The following EBF1 variants were observed in gnomAD, a reference collection of about 807,000 sequenced individuals.
EBF1 encodes EBF transcription factor 1.
A neutral mutation model predicts 68.4 loss-of-function variants in EBF1; 10 were observed. The ratio of observed to expected loss-of-function variants is 0.15; its 90% CI spans 0.09 to 0.25. The LOEUF (loss-of-function observed/expected upper bound fraction) is 0.25, where lower values mean the gene tolerates loss of function less well. Among genes scored for constraint, EBF1 ranks in the 10% least tolerant of loss-of-function variants. The pLI is 1.00. For synonymous variants in EBF1, 298 were observed against 299.8 expected (o/e 0.99, Z 0.06); for missense variants, 509 against 794.4 (o/e 0.64, Z 4.32).
intron 12 of EBF1, 121 bp from the exon 13 acceptor site, chr5:158,713,268 A>C: frequency 1.2e-6 from 1 of 840,462 alleles, no homozygotes; most frequent in Non-Finnish European, 1.6e-6. Flanking sequence ...AACTTCTGTG[A>C]CCCTCATGAC....
Position 158,881,799 on chromosome 5 carries a change from G to T in EBF1, c.555-41689C>A, listed in dbSNP as rs928272536. Among the ~76,000 whole-genome samples, 8 of 152,292 alleles carry T rather than the reference G, an allele frequency of 5.3e-5. No individual in the cohort carries two copies. The East Asian group carries it at 1.5e-3, about 29-fold the overall frequency. ...TTCCAGCAGCAAATCAGTGATTTGGGCTCAGGGAGGACTGGAAGGTTACAC... is the reference window on the plus strand; with the variant it reads ...TTCCAGCAGCAAATCAGTGATTTGGTCTCAGGGAGGACTGGAAGGTTACAC... On this transcript the variant is annotated intron_variant, in intron 6 of 15. Coordinates refer to ENST00000313708, the MANE Select transcript of EBF1 (RefSeq NM_024007.5).
At chr5:158,845,448 A>C (rs1246759827) in intron 6 of EBF1, among the ~76,000 whole-genome samples, 2 of 152,196 alleles carry the variant, frequency 1.3e-5, no homozygotes, top group African/African-American at 2.4e-5. Flanking sequence ...GGAACATCGG[A>C]ACCTACTTTA....
At chr5:159,020,490 C>T (rs774222269) in intron 6 of EBF1, among the ~76,000 whole-genome samples, 30 of 152,186 alleles carry the variant, frequency 2.0e-4, no homozygotes, top group South Asian at 8.3e-4. Flanking sequence ...CTCAATCGAG[C>T]GATGCGGACT....
intron 10 of EBF1, among the ~76,000 whole-genome samples, chr5:158,734,681 A>AT (rs981546180): frequency 6.6e-6 from 1 of 152,132 alleles, no homozygotes; most frequent in African/African-American, 2.4e-5. Flanking sequence ...GGACTAACCA[A>AT]TTTTTTTCCC....
At chr5:158,961,323 T>G (rs1191000669) in intron 6 of EBF1, among the ~76,000 whole-genome samples, 1 of 21,846 alleles carries the variant, frequency 4.6e-5, no homozygotes. Flanking sequence ...GAATTAAGCT[T>G]AAAGGAAAAA....
intron 6 of EBF1, among the ~76,000 whole-genome samples, chr5:159,056,970 A>T (rs974947065): frequency 6.6e-6 from 1 of 152,234 alleles, no homozygotes; most frequent in Non-Finnish European, 1.5e-5. Context: ...GTTATATGAC[A>T]TAGTATGAAC....
chr5:159,092,753 C>G (rs1485347980), intron 4 of EBF1, among the ~76,000 whole-genome samples: 1 of 152,146 alleles, frequency 6.6e-6, no homozygotes, highest in East Asian at 1.9e-4. Flanking sequence ...AATAAACAGG[C>G]AGCTAAGAAA....
chr5:158,729,488 G>A (rs532608001), intron 11 of EBF1, among the ~76,000 whole-genome samples: 92 of 152,232 alleles, frequency 6.0e-4, no homozygotes, highest in South Asian at 4.0e-3. Flanking sequence ...TTATATCATC[G>A]TGCTATAAAA....
intron 8 of EBF1, among the ~76,000 whole-genome samples, chr5:158,820,417 T>C (rs1020598135): frequency 1.3e-5 from 2 of 152,200 alleles, no homozygotes; most frequent in African/African-American, 4.8e-5. Context: ...CTCCCACACA[T>C]TACCAATGAA....
At chr5:158,745,578 G>C (rs1192835666) in intron 10 of EBF1, among the ~76,000 whole-genome samples, 1 of 152,174 alleles carries the variant, frequency 6.6e-6, no homozygotes, top group Non-Finnish European at 1.5e-5. Context: ...GTTCTCAAGA[G>C]CTGAAGAGAC....
intron 15 of EBF1, among the ~76,000 whole-genome samples, chr5:158,700,073 G>A (rs1231945446): frequency 6.6e-6 from 1 of 152,240 alleles, no homozygotes; most frequent in Non-Finnish European, 1.5e-5. Flanking sequence ...AAAGTGCTTA[G>A]CCTGGGTTCA....
At chr5:158,940,083 G>A (rs531541319) in intron 6 of EBF1, among the ~76,000 whole-genome samples, 47 of 152,226 alleles carry the variant, frequency 3.1e-4, no homozygotes, top group African/African-American at 1.1e-3. Context: ...GCCTTGCCTC[G>A]CCCTGGTGCA....
chr5:158,760,704 G>A (rs560236999), intron 10 of EBF1, among the ~76,000 whole-genome samples: 24 of 152,060 alleles, frequency 1.6e-4, no homozygotes, highest in Non-Finnish European at 2.2e-4. Context: ...ATCTTATACC[G>A]TAAAGGACTG....
intron 6 of EBF1, among the ~76,000 whole-genome samples, chr5:158,903,492 C>T (rs1381402712): frequency 2.0e-5 from 3 of 152,032 alleles, no homozygotes; most frequent in Non-Finnish European, 4.4e-5. Context: ...CAGTGGGGTG[C>T]CCTCATGCTC....
intron 5 of EBF1, among the ~76,000 whole-genome samples, chr5:159,079,300 G>T (rs1484113170): frequency 6.6e-6 from 1 of 152,090 alleles, no homozygotes; most frequent in Non-Finnish European, 1.5e-5. Context: ...TTCCCTCCCT[G>T]GTTAATTCTT....
At chr5:158,875,020 T>C (rs1347656397) in intron 6 of EBF1, among the ~76,000 whole-genome samples, 1 of 147,664 alleles carries the variant, frequency 6.8e-6, no homozygotes, top group Non-Finnish European at 1.5e-5. Flanking sequence ...GAATGAATCA[T>C]GGAGAGATGA....
chr5:158,883,733 G>A (rs1451545537), intron 6 of EBF1, among the ~76,000 whole-genome samples: 1 of 152,198 alleles, frequency 6.6e-6, no homozygotes, highest in Non-Finnish European at 1.5e-5. Flanking sequence ...ATAAGCCACT[G>A]AGCCTGGGTT....
chr5:158,701,715 A>T (rs1404422495), intron 15 of EBF1, among the ~76,000 whole-genome samples: 2 of 152,220 alleles, frequency 1.3e-5, no homozygotes, highest in East Asian at 3.8e-4. Flanking sequence ...GAAGCTAGAG[A>T]TTTAGACTTT....
intron 6 of EBF1, among the ~76,000 whole-genome samples, chr5:159,037,590 G>A (rs1391312733): frequency 2.0e-4 from 26 of 129,958 alleles, no homozygotes; most frequent in African/African-American, 6.8e-4. Flanking sequence ...CTCACTCATA[G>A]GTGGGAATTG....
Sources: allele counts gnomAD v4.1 joint callset (sites outside exome capture counted in the v4.1 genomes callset), GRCh38; gene constraint gnomAD v4.1.1; transcripts MANE v1.5; gene names NCBI Gene and HGNC (gene_info 2026-07-23, HGNC 2026-07-21).